The following ZNF407 variants were observed in gnomAD, a reference collection of about 807,000 sequenced individuals.
ZNF407 encodes the protein zinc finger protein 407.
In ZNF407, 17 loss-of-function variants were observed where a neutral mutation model predicts 131.2. The observed-to-expected ratio is 0.13, with a 90% CI of 0.09 to 0.19. The LOEUF (loss-of-function observed/expected upper bound fraction) is 0.19. Among genes scored for constraint, ZNF407 ranks in the 10% least tolerant of loss-of-function variants. The probability of loss-of-function intolerance (pLI) is 1.00; values close to 1 mark genes in which losing one functional copy is unlikely to be tolerated. For missense variants in ZNF407, 2,681 were observed against 2,830.6 expected, an observed-to-expected ratio of 0.95 and a Z score of 1.20; for synonymous variants, 1,156 against 1,062.0, an observed-to-expected ratio of 1.09 and a Z score of -1.72.
At chr18:74,697,694 CTTAA>C (rs1210438705) in intron 3 of ZNF407, among the ~76,000 whole-genome samples, 1 of 151,998 alleles carries the variant, frequency 6.6e-6, no homozygotes, top group Non-Finnish European at 1.5e-5. Flanking sequence ...AAAAAACCTA[CTTAA>C]TTAAAAATTA....
At chr18:74,789,659 G>C (rs973559946) in intron 4 of ZNF407, among the ~76,000 whole-genome samples, 1 of 152,066 alleles carries the variant, frequency 6.6e-6, no homozygotes, top group Non-Finnish European at 1.5e-5. Context: ...AGCCTGGGCT[G>C]GTGGATTCGC....
chr18:75,013,950 C>T (rs1385113368), intron 8 of ZNF407, among the ~76,000 whole-genome samples: 1 of 152,062 alleles, frequency 6.6e-6, no homozygotes, highest in African/African-American at 2.4e-5. Flanking sequence ...GAAATTCATT[C>T]ACTACATTTC....
intron 4 of ZNF407, among the ~76,000 whole-genome samples, chr18:74,857,232 T>A (rs1970871856): frequency 6.6e-6 from 1 of 152,222 alleles, no homozygotes; most frequent in Non-Finnish European, 1.5e-5. Context: ...ATTCGACGTG[T>A]TTCAGATGGC....
At chr18:74,718,203 C>T (rs539024005) in intron 3 of ZNF407, among the ~76,000 whole-genome samples, 3 of 151,226 alleles carry the variant, frequency 2.0e-5, no homozygotes, top group East Asian at 1.9e-4. Flanking sequence ...TGCTTTTTTG[C>T]AGCCCCCCCC....
intron 8 of ZNF407, among the ~76,000 whole-genome samples, chr18:74,985,066 C>T (rs1182289602): frequency 6.6e-6 from 1 of 152,092 alleles, no homozygotes; most frequent in Non-Finnish European, 1.5e-5. Context: ...CCCCAAAGAC[C>T]GAATGCATTG....
At chr18:75,042,101 A>G (rs1225654191) in intron 8 of ZNF407, among the ~76,000 whole-genome samples, 4 of 138,192 alleles carry the variant, frequency 2.9e-5, no homozygotes, top group East Asian at 2.1e-4. Context: ...GAGTCTCACT[A>G]TGTTGCCCCA....
At chr18:74,662,777 TCTAA>T (rs561265993) in intron 3 of ZNF407, among the ~76,000 whole-genome samples, 121 of 152,350 alleles carry the variant, frequency 7.9e-4, no homozygotes, top group Middle Eastern at 3.4e-3. Context: ...TGTTTAAGTG[TCTAA>T]CTGTCAGTCA....
chr18:74,963,152 CTTTTT>C (rs36225166), intron 8 of ZNF407, among the ~76,000 whole-genome samples: 7,194 of 138,458 alleles, frequency 0.052, 505 homozygotes, highest in African/African-American at 0.17. Flanking sequence ...ACCTTCATTC[CTTTTT>C]TTTTTTTTTT....
chr18:74,606,513 G>A (rs1568311583), intron 1 of ZNF407, among the ~76,000 whole-genome samples: 1 of 152,174 alleles, frequency 6.6e-6, no homozygotes, highest in Non-Finnish European at 1.5e-5. Context: ...AAAGTGCTGG[G>A]ATTATAGGTG....
At chr18:75,043,113 C>T (rs1464073836) in intron 8 of ZNF407, among the ~76,000 whole-genome samples, 3 of 152,190 alleles carry the variant, frequency 2.0e-5, no homozygotes, top group Non-Finnish European at 4.4e-5. Flanking sequence ...CATGGCTGTG[C>T]CATTTCGCAT....
rs1453820387 is a variant in ZNF407 at position 74,955,381 on chromosome 18, A to T, written c.5428+34689A>T. 3.3e-5 allele frequency among the ~76,000 whole-genome samples: 5 copies of T among 152,288 alleles called. No homozygotes were observed. In the East Asian group the frequency reaches 9.6e-4, roughly 29 times the overall value. On this transcript the variant is annotated intron_variant, in intron 8 of 8. Transcript: ENST00000299687. The stretch of plus-strand genomic sequence containing the variant: ...GAGTTCAACCTAGATTTGGTAGAGG[A>T]CATAGCTGAAATCAAAGGAAAAGTT...
In ZNF407 at chr18:74,631,400, C is replaced by T. The variant is rs1181775758; in HGVS notation, c.381C>T (p.Leu127=). 3 of 1,613,956 alleles carry T rather than the reference C, an allele frequency of 1.9e-6. No homozygotes were observed. The highest frequency in any genetic ancestry group is 2.5e-6 in the Non-Finnish European group (3 of 1,179,872). The change falls in exon 2 of 9, where the codon CTC becomes CTT. Residue 127 remains leucine, a synonymous_variant. Coordinates refer to ENST00000299687, the MANE Select transcript of ZNF407 (RefSeq NM_017757.3). The part of the protein sequence containing the change: ...LSDCTVGGTC[L]PNALSPSCNF... ...ACTGCACAGTTGGAGGCACATGTCT[C>T]CCAAATGCCCTCTCCCCTTCTTGCA... is the stretch of plus-strand genomic sequence containing the variant.
chr18:74,633,847 A>G lies in ZNF407; in HGVS notation c.2828A>G (p.Asp943Gly), dbSNP rs777035109. The change falls in exon 2 of 9, where the codon GAT becomes GGT. Residue 943 changes from aspartate (D) to glycine (G), a missense_variant. By Grantham distance (94) the Asp-to-Gly change is moderately conservative (BLOSUM62 -1). Coordinates refer to ENST00000299687, the MANE Select transcript of ZNF407 (RefSeq NM_017757.3). Reference sequence around the variant, plus strand: ...GCTGGCTCAGCAGTGACCATGTCAGATGAACATGCTAACAAACCAGCTGAG... The same window carrying G: ...GCTGGCTCAGCAGTGACCATGTCAGGTGAACATGCTAACAAACCAGCTGAG... ...KNAGSAVTMSDEHANKPAESP... is the reference protein window; with the variant it reads ...KNAGSAVTMSGEHANKPAESP... 1.9e-6 allele frequency: 3 copies of G among 1,613,904 alleles called. No individual in the cohort carries two copies. Among genetic ancestry groups the G allele is most frequent in the African/African-American group, 2.7e-5 (2 of 74,944 alleles).
intron 8 of ZNF407, among the ~76,000 whole-genome samples, chr18:74,974,639 T>C (rs1231472044): frequency 6.6e-6 from 1 of 152,216 alleles, no homozygotes; most frequent in Non-Finnish European, 1.5e-5. Flanking sequence ...ATGAAGTAGA[T>C]TATTTTTTTA....
chr18:75,001,215 T>C (rs1972841876), intron 8 of ZNF407, among the ~76,000 whole-genome samples: 1 of 152,172 alleles, frequency 6.6e-6, no homozygotes, highest in African/African-American at 2.4e-5. Context: ...AAGTGCCGAC[T>C]GTAACAATAG....
chr18:74,716,730 A>T (rs976615416), intron 3 of ZNF407, among the ~76,000 whole-genome samples: 2 of 152,228 alleles, frequency 1.3e-5, no homozygotes, highest in Admixed American at 6.5e-5. Flanking sequence ...ATAATCAACA[A>T]TAAATTACCT....
intron 3 of ZNF407, among the ~76,000 whole-genome samples, chr18:74,642,022 G>GTTT (rs11400647): frequency 6.7e-5 from 10 of 149,582 alleles, no homozygotes; most frequent in Non-Finnish European, 1.2e-4. Flanking sequence ...ATTATATTAG[G>GTTT]TTTTTTTTTT....
intron 8 of ZNF407, among the ~76,000 whole-genome samples, chr18:74,999,967 A>G (rs74505801): frequency 1.3e-5 from 2 of 152,254 alleles, no homozygotes; most frequent in Non-Finnish European, 2.9e-5. Context: ...ATGTAATCTT[A>G]GAAAATCATA....
intron 3 of ZNF407, among the ~76,000 whole-genome samples, chr18:74,649,396 T>C (rs1337073060): frequency 6.6e-6 from 1 of 152,224 alleles, no homozygotes; most frequent in African/African-American, 2.4e-5. Context: ...AGTGGTCTTA[T>C]GTCAACACAT....
Sources: gnomAD v4.1 joint callset for allele counts (sites outside exome capture counted in the v4.1 genomes callset) on GRCh38, gnomAD v4.1.1 for gene constraint, MANE v1.5 for transcripts, NCBI Gene and HGNC (gene_info 2026-07-23, HGNC 2026-07-21) for gene names.